Variants in SYN2 observed in about 807,000 individuals in gnomAD.
SYN2 encodes synapsin II.
In SYN2, 19 loss-of-function variants were observed where a neutral mutation model predicts 50.9. The ratio of observed to expected loss-of-function variants is 0.37; its 90% CI spans 0.26 to 0.55. The LOEUF (loss-of-function observed/expected upper bound fraction) is 0.55. Ranked by LOEUF, SYN2 falls within the 20% of genes least tolerant of loss-of-function variation. The pLI is 0.81. For synonymous variants in SYN2, 255 were observed against 224.9 expected (o/e 1.13, Z -1.20); for missense variants, 587 against 576.4 (o/e 1.02, Z -0.19).
At chr3:12,112,659 G>A (rs186604806) in intron 1 of SYN2, among the ~76,000 whole-genome samples, 15 of 152,054 alleles carry the variant, frequency 9.9e-5, no homozygotes, top group African/African-American at 2.9e-4. Context: ...TCTAGATGAG[G>A]GCTCTAAAAC....
chr3:12,053,689 G>C (rs1288627477), intron 1 of SYN2, among the ~76,000 whole-genome samples: 6 of 151,920 alleles, frequency 3.9e-5, no homozygotes, highest in African/African-American at 1.2e-4. Flanking sequence ...AGAGTTAATA[G>C]TATTCTCATG....
intron 1 of SYN2, among the ~76,000 whole-genome samples, chr3:12,047,063 T>G (rs1574908170): frequency 6.6e-6 from 1 of 152,362 alleles, no homozygotes; most frequent in South Asian, 2.1e-4. Flanking sequence ...TACCTTGTTT[T>G]TTTCATGACT....
intron 4 of SYN2, among the ~76,000 whole-genome samples, chr3:12,147,424 T>C (rs535218711): frequency 3.5e-4 from 53 of 152,304 alleles, no homozygotes; most frequent in African/African-American, 1.2e-3. Flanking sequence ...CAGCCTTTCC[T>C]TCTGCGTGGC....
intron 1 of SYN2, among the ~76,000 whole-genome samples, chr3:12,134,926 C>T (rs1696863106): frequency 6.6e-6 from 1 of 152,116 alleles, no homozygotes; most frequent in Non-Finnish European, 1.5e-5. Flanking sequence ...CTAATGGTTG[C>T]CAATTTTTAT....
chr3:12,125,125 C>T (rs1022338838), intron 1 of SYN2, among the ~76,000 whole-genome samples: 1 of 152,122 alleles, frequency 6.6e-6, no homozygotes, highest in Non-Finnish European at 1.5e-5. Context: ...AGTGATTCTC[C>T]TGCCTCAGCC....
chr3:12,049,347 G>A (rs1001899088), intron 1 of SYN2, among the ~76,000 whole-genome samples: 10 of 151,758 alleles, frequency 6.6e-5, no homozygotes, highest in Non-Finnish European at 7.4e-5. Flanking sequence ...GGTGAAACTC[G>A]TCTCTACTAA....
intron 1 of SYN2, among the ~76,000 whole-genome samples, chr3:12,089,808 G>A (rs967267686): frequency 1.3e-4 from 20 of 152,108 alleles, no homozygotes; most frequent in South Asian, 4.1e-4. Flanking sequence ...ATGTAGGCAC[G>A]ATGTCATAGA....
chr3:12,188,838 T>A (rs944904557), intron 12 of SYN2, among the ~76,000 whole-genome samples: 2 of 152,160 alleles, frequency 1.3e-5, no homozygotes, highest in Non-Finnish European at 2.9e-5. Context: ...TGACTTTTTT[T>A]TAATCCCTCC....
At chr3:12,095,885 A>G (rs1695922138) in intron 1 of SYN2, among the ~76,000 whole-genome samples, 1 of 152,076 alleles carries the variant, frequency 6.6e-6, no homozygotes, top group Non-Finnish European at 1.5e-5. Flanking sequence ...ACCTCCAGTA[A>G]GACCTATCCT....
At chr3:12,135,810 C>G (rs1266837084) in intron 1 of SYN2, among the ~76,000 whole-genome samples, 1 of 152,182 alleles carries the variant, frequency 6.6e-6, no homozygotes, top group Non-Finnish European at 1.5e-5. Context: ...CCTAACATCC[C>G]AGTCAATAAG....
intron 1 of SYN2, among the ~76,000 whole-genome samples, chr3:12,132,989 C>G (rs933034420): frequency 6.6e-6 from 1 of 152,168 alleles, no homozygotes; most frequent in African/African-American, 2.4e-5. Context: ...ATTAAAACTC[C>G]TCTGCCACTT....
At chr3:12,107,290 G>A (rs1696213646) in intron 1 of SYN2, among the ~76,000 whole-genome samples, 1 of 152,080 alleles carries the variant, frequency 6.6e-6, no homozygotes, top group Non-Finnish European at 1.5e-5. Flanking sequence ...TTTATCTTTG[G>A]AATTGAAAGT....
intron 1 of SYN2, among the ~76,000 whole-genome samples, chr3:12,076,513 C>A (rs308973): frequency 0.92 from 140,218 of 151,802 alleles, 64,799 homozygotes; most frequent in East Asian, 1. Context: ...CCTTTTTATC[C>A]GTCATTACTA....
chr3:12,024,883 G>A (rs1373734616), intron 1 of SYN2, among the ~76,000 whole-genome samples: 1 of 152,178 alleles, frequency 6.6e-6, no homozygotes, highest in Admixed American at 6.5e-5. Context: ...GATTGTACCA[G>A]TTTACACTCC....
At chr3:12,037,674 C>T (rs1694527076) in intron 1 of SYN2, among the ~76,000 whole-genome samples, 1 of 152,132 alleles carries the variant, frequency 6.6e-6, no homozygotes, top group South Asian at 2.1e-4. Context: ...TAACCTGCTC[C>T]CATGATAACA....
At chr3:12,070,712 T>G in intron 1 of SYN2, 2 of 985,068 alleles carry the variant, frequency 2.0e-6, no homozygotes, top group Non-Finnish European at 3.0e-6. Context: ...GGAGATGGGG[T>G]CACTCATACA....
chr3:12,154,719 T>TA (rs1697405744), intron 5 of SYN2, among the ~76,000 whole-genome samples: 1 of 152,234 alleles, frequency 6.6e-6, no homozygotes, highest in South Asian at 2.1e-4. Flanking sequence ...ATGTGGTCTT[T>TA]AAAGTCAAAG....
intron 4 of SYN2, among the ~76,000 whole-genome samples, chr3:12,147,501 A>C (rs1468048199): frequency 6.6e-6 from 1 of 152,170 alleles, no homozygotes; most frequent in Non-Finnish European, 1.5e-5. Context: ...GTATGTTGCC[A>C]ATCACAGAAG....
At chr3:12,173,632 G>A (rs1200108410) in intron 10 of SYN2, among the ~76,000 whole-genome samples, 3 of 152,066 alleles carry the variant, frequency 2.0e-5, no homozygotes, top group Non-Finnish European at 2.9e-5. Context: ...TCACCTCCAT[G>A]AGGCCAGACG....
Sources: allele counts gnomAD v4.1 joint callset (sites outside exome capture counted in the v4.1 genomes callset), GRCh38; gene constraint gnomAD v4.1.1; transcripts MANE v1.5; gene names NCBI Gene and HGNC (gene_info 2026-07-23, HGNC 2026-07-21).